The following KIAA1217 variants were observed in gnomAD, a reference collection of about 807,000 sequenced individuals.
The protein encoded by KIAA1217 is KIAA1217.
In KIAA1217, 88 loss-of-function variants were observed where a neutral mutation model predicts 163.9. The ratio of observed to expected loss-of-function variants is 0.54; its 90% CI spans 0.45 to 0.64. The LOEUF is 0.64. Ranked by LOEUF, KIAA1217 falls within the 30% of genes least tolerant of loss-of-function variation. KIAA1217 has a pLI of 0.00. For missense variants in KIAA1217, 2,372 were observed against 2,475.0 expected, an observed-to-expected ratio of 0.96 and a Z score of 0.88; for synonymous variants, 903 against 923.1, an observed-to-expected ratio of 0.98 and a Z score of 0.39.
At chr10:24,248,646 G>A (rs2074113456) in intron 2 of KIAA1217, among the ~76,000 whole-genome samples, 1 of 130,678 alleles carries the variant, frequency 7.7e-6, no homozygotes, top group Admixed American at 9.3e-5. Context: ...CCTCCAGCCT[G>A]GGCAACAAAG....
At chr10:24,511,222 G>A (rs1364890031) in intron 9 of KIAA1217, among the ~76,000 whole-genome samples, 3 of 150,330 alleles carry the variant, frequency 2.0e-5, no homozygotes, top group Admixed American at 2.0e-4. Context: ...CTTGAGCAGA[G>A]TGCCAGGTGC....
chr10:23,819,109 G>A (rs1409416758), intron 1 of KIAA1217, among the ~76,000 whole-genome samples: 3 of 152,208 alleles, frequency 2.0e-5, no homozygotes, highest in Non-Finnish European at 4.4e-5. Context: ...GAATTGTTGA[G>A]CAGGCTTTCT....
chr10:24,303,128 C>T lies in KIAA1217; in HGVS notation c.355-77741C>T, dbSNP rs117393429. 1.0e-2 allele frequency among the ~76,000 whole-genome samples: 1,518 copies of T among 152,286 alleles called. 31 individuals carry two copies. Among genetic ancestry groups the T allele is most frequent in the East Asian group, 0.083 (430 of 5,176 alleles). On this transcript the variant is annotated intron_variant, in intron 2 of 20. Coordinates refer to ENST00000376454, the MANE Select transcript of KIAA1217 (RefSeq NM_019590.5). ...TCCTGGGCTCCAGCGATCCTCCCAT[C>T]TCAGCCTTCCTAGTAGCTGGGACTG...
intron 2 of KIAA1217, among the ~76,000 whole-genome samples, chr10:24,226,684 C>T (rs1432249467): frequency 6.6e-6 from 1 of 151,814 alleles, no homozygotes; most frequent in African/African-American, 2.4e-5. Flanking sequence ...GCAAATCTTA[C>T]TCCATTCCAG....
At chr10:23,725,037 C>T (rs1455317615) in intron 1 of KIAA1217, among the ~76,000 whole-genome samples, 2 of 152,178 alleles carry the variant, frequency 1.3e-5, no homozygotes, top group East Asian at 1.9e-4. Context: ...AACTTTATGA[C>T]AACCTTTCAT....
intron 2 of KIAA1217, among the ~76,000 whole-genome samples, chr10:24,308,521 G>C (rs539113836): frequency 6.6e-6 from 1 of 152,354 alleles, no homozygotes; most frequent in East Asian, 1.9e-4. Flanking sequence ...TCCACTGAAT[G>C]GAGAAGAAGG....
intron 2 of KIAA1217, among the ~76,000 whole-genome samples, chr10:24,013,235 C>T (rs1266461851): frequency 6.6e-6 from 1 of 151,992 alleles, no homozygotes; most frequent in African/African-American, 2.4e-5. Flanking sequence ...CAAGATGTGC[C>T]TTACAGAGAA....
chr10:23,997,166 T>C (rs1465048881), intron 1 of KIAA1217, among the ~76,000 whole-genome samples: 1 of 152,234 alleles, frequency 6.6e-6, no homozygotes, highest in East Asian at 1.9e-4. Flanking sequence ...CCACATTTCA[T>C]GATTCCTACC....
At chr10:24,486,790 AT>A (rs893953315) in intron 6 of KIAA1217, among the ~76,000 whole-genome samples, 1 of 151,342 alleles carries the variant, frequency 6.6e-6, no homozygotes, top group African/African-American at 2.4e-5. Context: ...CTCTTCCCAG[AT>A]TTTTTTTTCT....
At chr10:23,923,679 G>T (rs767945854) in intron 1 of KIAA1217, among the ~76,000 whole-genome samples, 3 of 152,128 alleles carry the variant, frequency 2.0e-5, no homozygotes, top group Non-Finnish European at 2.9e-5. Context: ...GCAAGGAAAT[G>T]GTTTCTCCCC....
At position 24,225,364 on chromosome 10, in the gene KIAA1217, T is replaced by C. The variant is rs544191780; in HGVS notation, c.354+5455T>C. Among the ~76,000 whole-genome samples the C allele has an allele frequency of 1.3e-3, 199 of 152,266 alleles. 1 individual carries two copies. Among genetic ancestry groups the C allele is most frequent in the Admixed American group, 3.9e-3 (59 of 15,282 alleles). ...GTCTTCAAAGCCTGGCCTCAAGCGA[T>C]CCTCTCGCTTTGACCTCCTAAAGTG... On this transcript the variant is annotated intron_variant, in intron 2 of 20. Transcript: ENST00000376454.
At chr10:24,361,070 A>G (rs1365077376) in intron 2 of KIAA1217, among the ~76,000 whole-genome samples, 2 of 152,306 alleles carry the variant, frequency 1.3e-5, no homozygotes, top group East Asian at 3.9e-4. Context: ...CATGACCCAC[A>G]TAGAATACTT....
chr10:24,244,389 G>A (rs2073498075), intron 2 of KIAA1217, among the ~76,000 whole-genome samples: 1 of 152,024 alleles, frequency 6.6e-6, no homozygotes, highest in South Asian at 2.1e-4. Context: ...TTTTGAAGGT[G>A]TAGTTTCTAA....
chr10:24,287,799 A>G (rs931514921), intron 2 of KIAA1217, among the ~76,000 whole-genome samples: 10 of 152,252 alleles, frequency 6.6e-5, no homozygotes, highest in Non-Finnish European at 1.3e-4. Flanking sequence ...GAACTGCCTT[A>G]CATTGTACTA....
chr10:23,919,274 C>G (rs1354351491), intron 1 of KIAA1217, among the ~76,000 whole-genome samples: 2 of 151,850 alleles, frequency 1.3e-5, no homozygotes, highest in Non-Finnish European at 2.9e-5. Context: ...TGGCTGCAAC[C>G]AACCCCCACC....
intron 3 of KIAA1217, among the ~76,000 whole-genome samples, chr10:24,426,867 G>A (rs80339577): frequency 0.019 from 2,861 of 152,162 alleles, 92 homozygotes; most frequent in African/African-American, 0.065. Context: ...GGGACGCTTC[G>A]GGAAAATAAG....
intron 2 of KIAA1217, among the ~76,000 whole-genome samples, chr10:24,171,389 C>T (rs11013928): frequency 0.021 from 3,188 of 152,250 alleles, 38 homozygotes; most frequent in Middle Eastern, 0.058. Flanking sequence ...TCATGAAATA[C>T]TTTAAAATAA....
At chr10:23,773,438 C>T (rs963661915) in intron 1 of KIAA1217, among the ~76,000 whole-genome samples, 4 of 151,160 alleles carry the variant, frequency 2.6e-5, no homozygotes, top group South Asian at 2.1e-4. Flanking sequence ...ATTGACTTGG[C>T]GATGTGGGCT....
intron 5 of KIAA1217, among the ~76,000 whole-genome samples, chr10:24,463,477 A>G (rs1264323629): frequency 1.3e-5 from 2 of 152,240 alleles, no homozygotes; most frequent in African/African-American, 2.4e-5. Flanking sequence ...CATTCCGTTT[A>G]CAATCAAATG....
Sources: gnomAD v4.1 joint callset for allele counts (sites outside exome capture counted in the v4.1 genomes callset) on GRCh38, gnomAD v4.1.1 for gene constraint, MANE v1.5 for transcripts, NCBI Gene and HGNC (gene_info 2026-07-23, HGNC 2026-07-21) for gene names.